Variants in CADM1 observed in about 807,000 individuals in gnomAD.
CADM1 encodes the protein cell adhesion molecule 1, also known as TSLC-1.
Under a neutral mutation model 53.1 loss-of-function variants are expected in CADM1, and 15 were observed. The observed-to-expected ratio is 0.28, with a 90% CI of 0.19 to 0.44. The LOEUF is 0.44. CADM1 is among the 20% of genes least tolerant of loss of function. The pLI is 1.00. For missense variants in CADM1, 434 were observed against 611.3 expected (o/e 0.71, Z 3.06); for synonymous variants, 281 against 243.0 (o/e 1.16, Z -1.45).
At chr11:115,181,597 C>T (rs374190093) in intron 10 of CADM1, among the ~76,000 whole-genome samples, 6 of 152,300 alleles carry the variant, frequency 3.9e-5, no homozygotes, top group Admixed American at 6.5e-5. Flanking sequence ...CTGCCGGTTA[C>T]GAGCGCCTCA....
intron 1 of CADM1, among the ~76,000 whole-genome samples, chr11:115,359,592 T>G (rs1367742779): frequency 6.6e-6 from 1 of 152,148 alleles, no homozygotes; most frequent in Non-Finnish European, 1.5e-5. Context: ...TCAACAAAAT[T>G]GAATATGTCT....
chr11:115,487,741 G>A (rs932710520), intron 1 of CADM1, among the ~76,000 whole-genome samples: 4 of 152,150 alleles, frequency 2.6e-5, no homozygotes, highest in African/African-American at 7.2e-5. Flanking sequence ...AAGCAATCCT[G>A]CCGACAGGCC....
chr11:115,244,334 C>T (rs1372677967), intron 1 of CADM1, among the ~76,000 whole-genome samples: 1 of 152,224 alleles, frequency 6.6e-6, no homozygotes, highest in Non-Finnish European at 1.5e-5. Context: ...CCTAAAACCT[C>T]ATTTTGTTAT....
At chr11:115,460,264 G>A (rs1948766753) in intron 1 of CADM1, among the ~76,000 whole-genome samples, 1 of 152,152 alleles carries the variant, frequency 6.6e-6, no homozygotes, top group Non-Finnish European at 1.5e-5. Context: ...GCTCTCTAAC[G>A]CAAACCTTTT....
rs1938809014 is a variant in CADM1 at position 115,172,112 on chromosome 11, G to A, written c.*4362C>T. On this transcript the variant is annotated 3_prime_UTR_variant, in exon 12 of 12. Coordinates refer to ENST00000331581, the MANE Select transcript of CADM1 (RefSeq NM_001301043.2). Reference sequence around the variant, plus strand: ...TGTCCACCTTGCAGAGCAAGAGACTGAAGCCAGGTAGGCTGGGCTACTCAC... The same window carrying A: ...TGTCCACCTTGCAGAGCAAGAGACTAAAGCCAGGTAGGCTGGGCTACTCAC... 2.0e-5 allele frequency: 3 copies of A among 152,284 alleles called. No homozygotes were observed. The highest frequency in any genetic ancestry group is 6.5e-5 in the Admixed American group (1 of 15,288). The allele number at this position is 152,284 out of a possible 1,614,324, so 9.4% of individuals were successfully genotyped here.
chr11:115,459,557 AAGAG>A (rs964804106), intron 1 of CADM1, among the ~76,000 whole-genome samples: 2 of 152,132 alleles, frequency 1.3e-5, no homozygotes, highest in African/African-American at 4.8e-5. Flanking sequence ...AAGTGAAAAA[AAGAG>A]AGAGAGCATA....
At chr11:115,388,966 T>C (rs1358788815) in intron 1 of CADM1, among the ~76,000 whole-genome samples, 1 of 152,158 alleles carries the variant, frequency 6.6e-6, no homozygotes, top group African/African-American at 2.4e-5. Context: ...CAATGTTAAA[T>C]TTCCTGAAGC....
At chr11:115,400,465 A>G (rs902181928) in intron 1 of CADM1, among the ~76,000 whole-genome samples, 1 of 150,848 alleles carries the variant, frequency 6.6e-6, no homozygotes, top group Admixed American at 6.6e-5. Flanking sequence ...TATTTGGACA[A>G]CTGGACAGCC....
intron 1 of CADM1, among the ~76,000 whole-genome samples, chr11:115,476,865 C>T (rs1036717647): frequency 6.6e-6 from 1 of 152,174 alleles, no homozygotes; most frequent in Non-Finnish European, 1.5e-5. Context: ...TGCTGACGTC[C>T]ACTGAAAGAG....
chr11:115,458,125 C>G (rs1170310224), intron 1 of CADM1, among the ~76,000 whole-genome samples: 1 of 151,974 alleles, frequency 6.6e-6, no homozygotes, highest in African/African-American at 2.4e-5. Context: ...AAGTCTCTCT[C>G]TCTCTCTCTC....
chr11:115,492,686 C>T (rs1949523363), intron 1 of CADM1, among the ~76,000 whole-genome samples: 1 of 151,812 alleles, frequency 6.6e-6, no homozygotes, highest in African/African-American at 2.4e-5. Context: ...ACTAAAAAGA[C>T]GTTGCTATCA....
intron 1 of CADM1, among the ~76,000 whole-genome samples, chr11:115,317,620 T>A (rs1006923358): frequency 6.6e-6 from 1 of 152,188 alleles, no homozygotes; most frequent in South Asian, 2.1e-4. Context: ...CATCATCAAC[T>A]GCAAAGGATA....
chr11:115,487,175 A>G (rs936110143), intron 1 of CADM1, among the ~76,000 whole-genome samples: 1 of 152,210 alleles, frequency 6.6e-6, no homozygotes, highest in African/African-American at 2.4e-5. Context: ...AAAAAAGTAA[A>G]ACACTTTTTT....
chr11:115,368,366 G>C (rs1446622279), intron 1 of CADM1, among the ~76,000 whole-genome samples: 1 of 152,004 alleles, frequency 6.6e-6, no homozygotes, highest in Non-Finnish European at 1.5e-5. Context: ...TCGTTGTGAG[G>C]TCATGACCAA....
chr11:115,333,043 C>A (rs1945174110), intron 1 of CADM1, among the ~76,000 whole-genome samples: 1 of 152,150 alleles, frequency 6.6e-6, no homozygotes, highest in African/African-American at 2.4e-5. Context: ...CAATTGCTTA[C>A]TGGTCTTTTC....
chr11:115,328,691 T>TGTGTATATATGTATATACATATACACGC lies in CADM1; in HGVS notation c.125-88272_125-88271insGCGTGTATATGTATATACATATATACAC, dbSNP rs1555066931. ...CTATATATATATGTGTATATATATG[T>TGTGTATATATGTATATACATATACACGC]GTATATATATGTATATATATATGTG... On this transcript the variant is annotated intron_variant, in intron 1 of 11. Transcript: ENST00000331581. Among the ~76,000 whole-genome samples, 11 of 19,078 alleles carry TGTGTATATATGTATATACATATACACGC rather than the reference T, an allele frequency of 5.8e-4. 1 individual carries two copies. In the South Asian group the frequency reaches 0.036, roughly 62 times the overall value. 12.5% of individuals were successfully genotyped at this position (19,078 alleles called of 152,430 possible). A position where few individuals can be genotyped will look rare whatever the true frequency, so the allele number is the denominator to read the frequency against.
intron 1 of CADM1, among the ~76,000 whole-genome samples, chr11:115,308,137 C>CTGTGTG (rs1190681356): frequency 1.9e-5 from 2 of 105,284 alleles, no homozygotes; most frequent in Non-Finnish European, 3.7e-5. Flanking sequence ...CACAAACTCT[C>CTGTGTG]TCTCTGTGTG....
intron 1 of CADM1, among the ~76,000 whole-genome samples, chr11:115,308,406 C>T (rs1944444256): frequency 6.6e-6 from 1 of 151,738 alleles, no homozygotes; most frequent in Non-Finnish European, 1.5e-5. Flanking sequence ...GTGGTAGATG[C>T]TTCATATATA....
chr11:115,180,431 G>A (rs980234033), intron 10 of CADM1, among the ~76,000 whole-genome samples: 1 of 152,144 alleles, frequency 6.6e-6, no homozygotes, highest in Admixed American at 6.5e-5. Context: ...AGGGAGCTGG[G>A]TTGGAGGCAG....
Sources: allele counts gnomAD v4.1 joint callset (sites outside exome capture counted in the v4.1 genomes callset), GRCh38; gene constraint gnomAD v4.1.1; transcripts MANE v1.5; gene names NCBI Gene and HGNC (gene_info 2026-07-23, HGNC 2026-07-21).